The following CLNK variants were observed in gnomAD, a reference collection of about 807,000 sequenced individuals.
CLNK encodes the protein cytokine-dependent hematopoietic cell linker.
A neutral mutation model predicts 68.6 loss-of-function variants in CLNK; 74 were observed. That is an observed-to-expected ratio of 1.08 (90% CI 0.89 to 1.31). The LOEUF is 1.31. Ranked by LOEUF, CLNK falls within the 50% of genes most tolerant of loss-of-function variation. CLNK has a pLI of 0.00. For synonymous variants in CLNK, 198 were observed against 172.2 expected (o/e 1.15, Z -1.17); for missense variants, 553 against 515.3 (o/e 1.07, Z -0.71).
chr4:10,523,908 C>A (rs1007028451), intron 14 of CLNK: 3 of 367,666 alleles, frequency 8.2e-6, no homozygotes, highest in African/African-American at 6.5e-5. Context: ...GCCTATAGTT[C>A]CAGCTACTCT....
the CLNK span, among the ~76,000 whole-genome samples, chr4:10,729,992 A>G: frequency 6.6e-6 from 1 of 152,368 alleles, no homozygotes; most frequent in South Asian, 2.1e-4. Context: ...ACACTGATTT[A>G]TATGAATCAA....
intron 7 of CLNK, among the ~76,000 whole-genome samples, chr4:10,562,842 G>A (rs1045756535): frequency 2.0e-5 from 3 of 151,974 alleles, no homozygotes; most frequent in Non-Finnish European, 4.4e-5. Context: ...TGTCTATTGT[G>A]CATTTATTTA....
chr4:10,578,611 G>C (rs1229964816), intron 4 of CLNK, among the ~76,000 whole-genome samples: 5 of 92,114 alleles, frequency 5.4e-5, no homozygotes, highest in Non-Finnish European at 1.1e-4. Context: ...TTTTGAGATG[G>C]AGTTTTGCTC....
chr4:10,667,260 A>G (rs1333728253), intron 2 of CLNK, among the ~76,000 whole-genome samples: 1 of 152,208 alleles, frequency 6.6e-6, no homozygotes, highest in Non-Finnish European at 1.5e-5. Flanking sequence ...CTGGTAAAAT[A>G]AAGCAAATAA....
upstream of CLNK, among the ~76,000 whole-genome samples, chr4:10,688,635 G>A (rs1725352124): frequency 6.6e-6 from 1 of 152,052 alleles, no homozygotes; most frequent in Non-Finnish European, 1.5e-5. Flanking sequence ...CCTTTAAAAA[G>A]AGGTATACTA....
intron 2 of CLNK, among the ~76,000 whole-genome samples, chr4:10,602,496 G>A (rs1408628155): frequency 6.6e-6 from 1 of 152,176 alleles, no homozygotes; most frequent in Non-Finnish European, 1.5e-5. Flanking sequence ...GCGGAGATTG[G>A]AGTGATGTTG....
At chr4:10,498,190 C>T (rs553513825) in intron 18 of CLNK, among the ~76,000 whole-genome samples, 5 of 150,098 alleles carry the variant, frequency 3.3e-5, no homozygotes, top group Admixed American at 6.6e-5. Flanking sequence ...AACGAGACTC[C>T]GTCTTAGAAT....
At chr4:10,552,064 G>A (rs112477645) in intron 8 of CLNK, among the ~76,000 whole-genome samples, 18,976 of 151,824 alleles carry the variant, frequency 0.12, 1,245 homozygotes, top group African/African-American at 0.16. Flanking sequence ...CACCGTGTTA[G>A]CCAGGATGGT....
intron 2 of CLNK, among the ~76,000 whole-genome samples, chr4:10,627,209 G>A (rs1040198071): frequency 6.6e-6 from 1 of 152,192 alleles, no homozygotes; most frequent in African/African-American, 2.4e-5. Flanking sequence ...AGGGCCAGGA[G>A]TAGCTACAGA....
intron 2 of CLNK, among the ~76,000 whole-genome samples, chr4:10,642,868 G>A (rs963755973): frequency 3.6e-4 from 55 of 152,148 alleles, no homozygotes; most frequent in Middle Eastern, 3.4e-3. Context: ...GAACACTGAT[G>A]GTCATTTCAA....
chr4:10,728,889 A>G, the CLNK span, among the ~76,000 whole-genome samples: 117,987 of 151,952 alleles, frequency 0.78, 47,288 homozygotes, highest in South Asian at 0.9. Flanking sequence ...GTGAGCTACC[A>G]CACCCGGCCC....
chr4:10,648,915 A>G (rs762802950), intron 2 of CLNK, among the ~76,000 whole-genome samples: 1 of 152,120 alleles, frequency 6.6e-6, no homozygotes, highest in African/African-American at 2.4e-5. Context: ...AACCAGGGAG[A>G]TCTGGTTTTT....
chr4:10,529,619 A>G (rs546583539), intron 12 of CLNK, among the ~76,000 whole-genome samples: 12 of 152,224 alleles, frequency 7.9e-5, no homozygotes, highest in Non-Finnish European at 1.3e-4. Context: ...TAGGCTAAGT[A>G]AAAAGAGTAA....
At chr4:10,556,996 A>T (rs962108848) in intron 8 of CLNK, among the ~76,000 whole-genome samples, 1 of 152,056 alleles carries the variant, frequency 6.6e-6, no homozygotes, top group African/African-American at 2.4e-5. Flanking sequence ...GAATTGCTTG[A>T]GCCAGGGAGG....
chr4:10,591,811 G>T (rs1038521342), intron 3 of CLNK, among the ~76,000 whole-genome samples: 1 of 152,198 alleles, frequency 6.6e-6, no homozygotes, highest in Non-Finnish European at 1.5e-5. Context: ...TCAGGCCAAG[G>T]CTCATTTTAA....
chr4:10,610,058 T>G (rs1328236878), intron 2 of CLNK, among the ~76,000 whole-genome samples: 3 of 121,862 alleles, frequency 2.5e-5, no homozygotes, highest in African/African-American at 9.9e-5. Flanking sequence ...TTTTTTTTTT[T>G]TTTTTTTTTT....
At chr4:10,596,883 A>T (rs546378197) in intron 3 of CLNK, among the ~76,000 whole-genome samples, 82 of 152,318 alleles carry the variant, frequency 5.4e-4, no homozygotes, top group Non-Finnish European at 8.4e-4. Flanking sequence ...AACCCTCTCC[A>T]TCTGAAAGAG....
At chr4:10,650,158 C>A (rs1209434454) in intron 2 of CLNK, among the ~76,000 whole-genome samples, 1 of 152,078 alleles carries the variant, frequency 6.6e-6, no homozygotes, top group Non-Finnish European at 1.5e-5. Context: ...AATAAAGATA[C>A]TTAACTCATT....
intron 2 of CLNK, among the ~76,000 whole-genome samples, 171 bp downstream of exon 2, chr4:10,667,688 A>G (rs1358125618): frequency 1.2e-5 from 1 of 85,908 alleles, no homozygotes; most frequent in Admixed American, 1.3e-4. Flanking sequence ...GCTACTGGAA[A>G]GAGGAGTGTT....
Sources: gnomAD v4.1 joint callset for allele counts (sites outside exome capture counted in the v4.1 genomes callset) on GRCh38, gnomAD v4.1.1 for gene constraint, MANE v1.5 for transcripts, NCBI Gene and HGNC (gene_info 2026-07-23, HGNC 2026-07-21) for gene names.